The following THUMPD2 variants were observed in gnomAD, a reference collection of about 807,000 sequenced individuals.
The protein encoded by THUMPD2 is THUMP domain 2 tRNA and snRNA guanosine methyltransferase, also known as U6 snRNA (guanine-N(2))-methyltransferase THUMPD2.
A neutral mutation model predicts 49.4 loss-of-function variants in THUMPD2; 56 were observed. That is an observed-to-expected ratio of 1.13 (90% CI 0.91 to 1.41). The LOEUF (loss-of-function observed/expected upper bound fraction) is 1.41, where lower values mean the gene tolerates loss of function less well. Ranked by LOEUF, THUMPD2 falls within the 40% of genes most tolerant of loss-of-function variation. The pLI, the probability that THUMPD2 is intolerant of heterozygous loss-of-function variation, is 0.00. For synonymous variants in THUMPD2, 237 were observed against 205.2 expected, an observed-to-expected ratio of 1.15 and a Z score of -1.32; for missense variants, 709 against 594.5, an observed-to-expected ratio of 1.19 and a Z score of -2.00.
At chr2:39,745,398 G>A (rs1397838766) in intron 8 of THUMPD2, among the ~76,000 whole-genome samples, 1 of 152,044 alleles carries the variant, frequency 6.6e-6, no homozygotes, top group Non-Finnish European at 1.5e-5. Flanking sequence ...AGAGTAGATT[G>A]TTCGAAAAAA....
At chr2:39,769,593 T>C (rs1678037522) in intron 3 of THUMPD2, 117 bp downstream of exon 3, 1 of 1,059,368 alleles carries the variant, frequency 9.4e-7, no homozygotes, top group South Asian at 2.1e-5. Context: ...TCCCAGCTAC[T>C]CAGGAGGCTG....
At chr2:39,738,315 C>CA (rs1379877983) in intron 9 of THUMPD2, among the ~76,000 whole-genome samples, 1 of 152,166 alleles carries the variant, frequency 6.6e-6, no homozygotes, top group Non-Finnish European at 1.5e-5. Context: ...GTAATCCCAA[C>CA]ATTTTGGGAG....
chr2:39,765,051 A>G (rs1677320946), intron 5 of THUMPD2, among the ~76,000 whole-genome samples: 1 of 152,244 alleles, frequency 6.6e-6, no homozygotes, highest in African/African-American at 2.4e-5. Context: ...TAAGAAGCAC[A>G]AAATTAAGCA....
chr2:39,761,484 C>A, intron 5 of THUMPD2, 66 bp from the exon 6 acceptor site: 2 of 1,416,980 alleles, frequency 1.4e-6, no homozygotes, highest in South Asian at 1.2e-5. Flanking sequence ...AAATGATTTA[C>A]CTGTCCAAAT....
chr2:39,749,345 C>A (rs1395827366), intron 8 of THUMPD2, among the ~76,000 whole-genome samples: 1 of 152,174 alleles, frequency 6.6e-6, no homozygotes, highest in Non-Finnish European at 1.5e-5. Context: ...GATATTGATA[C>A]AAAACTGGCA....
At chr2:39,760,255 G>A (rs1231476133) in intron 6 of THUMPD2, among the ~76,000 whole-genome samples, 1 of 152,184 alleles carries the variant, frequency 6.6e-6, no homozygotes, top group Non-Finnish European at 1.5e-5. Context: ...CTCATCTTAT[G>A]ACAGGGAAGA....
At chr2:39,769,018 T>C in intron 3 of THUMPD2, 2 of 1,304,700 alleles carry the variant, frequency 1.5e-6, no homozygotes, top group Non-Finnish European at 2.0e-6. Flanking sequence ...GTTTGTGGTG[T>C]TCGCTCTTCT....
intron 4 of THUMPD2, 160 bp from the exon 5 acceptor site, chr2:39,766,269 T>C: frequency 2.1e-6 from 1 of 485,034 alleles, no homozygotes; most frequent in Non-Finnish European, 3.6e-6. Context: ...TAATCTTTTT[T>C]TTTCTTAAGC....
In THUMPD2 at chr2:39,768,444, A is replaced by C. The variant is rs1297951348; in HGVS notation, c.730T>G (p.Leu244Val). ...ATTACCTCTAATTGTGGATTCCTCAAGTCTGCTTTCCATCCAAAGTGTTTC... is the reference window on the plus strand; with the variant it reads ...ATTACCTCTAATTGTGGATTCCTCACGTCTGCTTTCCATCCAAAGTGTTTC... ...IMKHFGWKAD[L>V]RNPQLEIFIH... The change falls in exon 4 of 10, where the codon TTG becomes GTG. Residue 244 changes from leucine to valine, a missense_variant. Leu to Val is a conservative substitution (Grantham distance 32, BLOSUM62 1). Transcript: ENST00000505747. The C allele has an allele frequency of 2.5e-6, 4 of 1,612,932 alleles. No homozygotes were observed. The Admixed American group carries it at 6.7e-5, about 27-fold the overall frequency.
At chr2:39,751,235 G>A (rs1558502382) in intron 8 of THUMPD2, among the ~76,000 whole-genome samples, 1 of 152,224 alleles carries the variant, frequency 6.6e-6, no homozygotes, top group South Asian at 2.1e-4. Flanking sequence ...CAGGCAGCAA[G>A]GAGAAAACAA....
At chr2:39,740,592 TC>T (rs1303175140) in intron 9 of THUMPD2, among the ~76,000 whole-genome samples, 1 of 152,208 alleles carries the variant, frequency 6.6e-6, no homozygotes. Flanking sequence ...CTTTCCATGA[TC>T]ATACGCACAT....
intron 8 of THUMPD2, among the ~76,000 whole-genome samples, chr2:39,754,110 G>A (rs1675788736): frequency 6.6e-6 from 1 of 152,132 alleles, no homozygotes; most frequent in Admixed American, 6.5e-5. Flanking sequence ...ATGCCTACAA[G>A]GTGCTTTGGA....
chr2:39,738,489 A>G (rs1488952198), intron 9 of THUMPD2, among the ~76,000 whole-genome samples: 1 of 151,896 alleles, frequency 6.6e-6, no homozygotes, highest in Non-Finnish European at 1.5e-5. Context: ...GCTTGAGCCC[A>G]GGGGGCAGAG....
chr2:39,774,181 C>T (rs1678762356), intron 1 of THUMPD2, among the ~76,000 whole-genome samples: 1 of 152,198 alleles, frequency 6.6e-6, no homozygotes, highest in Non-Finnish European at 1.5e-5. Flanking sequence ...CCTGAGCTGC[C>T]AAGATAGGAT....
At chr2:39,757,701 A>G (rs1188982605) in intron 6 of THUMPD2, among the ~76,000 whole-genome samples, 2 of 152,232 alleles carry the variant, frequency 1.3e-5, no homozygotes, top group African/African-American at 4.8e-5. Context: ...GTATTTCTGT[A>G]TACTTACAAC....
chr2:39,771,693 T>C (rs1166136327), intron 1 of THUMPD2, 53 bp from the exon 2 acceptor site: 7 of 1,535,036 alleles, frequency 4.6e-6, no homozygotes, highest in Non-Finnish European at 6.1e-6. Flanking sequence ...GAAAAAACCA[T>C]ATTTTTTCCC....
chr2:39,764,132 G>A (rs1434505065), intron 5 of THUMPD2, among the ~76,000 whole-genome samples: 6 of 152,124 alleles, frequency 3.9e-5, no homozygotes, highest in African/African-American at 7.2e-5. Context: ...TCACAGGTCC[G>A]TAATTAGAGT....
At chr2:39,776,347 G>C (rs533842872) in intron 1 of THUMPD2, among the ~76,000 whole-genome samples, 1 of 151,470 alleles carries the variant, frequency 6.6e-6, no homozygotes, top group South Asian at 2.1e-4. Flanking sequence ...AGGAAATACA[G>C]AGGATAGAGG....
At chr2:39,757,408 C>G (rs1295621898) in intron 6 of THUMPD2, 1 of 1,303,182 alleles carries the variant, frequency 7.7e-7, no homozygotes, top group East Asian at 5.6e-5. Context: ...GAGACAGAAG[C>G]CTTCCCCTGG....
Sources: gnomAD v4.1 joint callset for allele counts (sites outside exome capture counted in the v4.1 genomes callset) on GRCh38, gnomAD v4.1.1 for gene constraint, MANE v1.5 for transcripts, NCBI Gene and HGNC (gene_info 2026-07-23, HGNC 2026-07-21) for gene names.